PPP2R5C: variants seen among roughly 807,000 people sequenced by gnomAD.
PPP2R5C encodes serine/threonine-protein phosphatase 2A 56 kDa regulatory subunit gamma isoform.
PPP2R5C carries 7 observed loss-of-function variants against 68.9 expected under a neutral mutation model. That is an observed-to-expected ratio of 0.10 (90% CI 0.06 to 0.19). The LOEUF (loss-of-function observed/expected upper bound fraction) is 0.19, where lower values mean the gene tolerates loss of function less well. Among genes scored for constraint, PPP2R5C ranks in the 10% least tolerant of loss-of-function variants. PPP2R5C has a pLI of 1.00. For synonymous variants in PPP2R5C, 210 were observed against 222.2 expected, an observed-to-expected ratio of 0.95 and a Z score of 0.49; for missense variants, 348 against 641.3, an observed-to-expected ratio of 0.54 and a Z score of 4.94.
At chr14:101,826,390 A>G (rs1025968310) in intron 1 of PPP2R5C, among the ~76,000 whole-genome samples, 1 of 152,208 alleles carries the variant, frequency 6.6e-6, no homozygotes, top group Non-Finnish European at 1.5e-5. Flanking sequence ...CCATTTGTTG[A>G]AAAAACAATT....
intron 1 of PPP2R5C, among the ~76,000 whole-genome samples, chr14:101,838,534 C>A (rs562842182): frequency 2.0e-5 from 3 of 152,308 alleles, no homozygotes; most frequent in African/African-American, 7.2e-5. Context: ...TATGTTGTAA[C>A]GAGCAGGCGG....
rs1484698213 is a variant in PPP2R5C at position 101,877,018 on chromosome 14, G to A, written c.295-5143G>A. Among the ~76,000 whole-genome samples the A allele has an allele frequency of 2.2e-5, 3 of 138,278 alleles. No homozygotes were observed. The highest frequency in any genetic ancestry group is 2.2e-4 in the South Asian group (1 of 4,464). The allele number at this position is 138,278 out of a possible 152,430, so 90.7% of individuals were successfully genotyped here. A position where few individuals can be genotyped will look rare whatever the true frequency, so the allele number is the denominator to read the frequency against. ...GGCTGGAGTGCAGTGGTGCAATCTCGGTTCACTGCAACTTCCACCTCCCAG... is the reference window on the plus strand; with the variant it reads ...GGCTGGAGTGCAGTGGTGCAATCTCAGTTCACTGCAACTTCCACCTCCCAG... On this transcript the variant is annotated intron_variant, in intron 2 of 13. Coordinates refer to ENST00000334743, the Ensembl canonical transcript of PPP2R5C. This position sits in a 1 kb window ranked among gnomAD's most constrained non-coding sequence, Gnocchi z 4.2.
Position 101,825,834 on chromosome 14 carries a change from G to A in PPP2R5C, c.94+15798G>A, listed in dbSNP as rs1274307870. On this transcript the variant is annotated intron_variant, in intron 1 of 13. Coordinates refer to ENST00000334743, the Ensembl canonical transcript of PPP2R5C. The surrounding 1 kb of genome is among the most constrained non-coding windows in gnomAD (Gnocchi z 4.0). ...TGGGGCAGTAAGGGAAATTTAAGAA[G>A]GAAGTTGGGGAAGGTAGGACCTCAT... Among the ~76,000 whole-genome samples, 1 of 152,312 alleles carries A rather than the reference G, an allele frequency of 6.6e-6. No individual in the cohort carries two copies. The highest frequency in any genetic ancestry group is 1.9e-4 in the East Asian group (1 of 5,196).
rs77072204 is a variant in PPP2R5C at position 101,915,428 on chromosome 14, C to T, written c.1327-2403C>T. 2.9e-3 allele frequency among the ~76,000 whole-genome samples: 443 copies of T among 152,210 alleles called. 2 individuals carry two copies. The highest frequency in any genetic ancestry group is 0.01 in the African/African-American group (417 of 41,540). ...GTCAGAACCCTCTCCTGCCAGTGCCCGCTGTGTGAGGTTTATTTTGCTGTG... is the reference window on the plus strand; with the variant it reads ...GTCAGAACCCTCTCCTGCCAGTGCCTGCTGTGTGAGGTTTATTTTGCTGTG... On this transcript the variant is annotated intron_variant, in intron 12 of 13. Coordinates refer to ENST00000334743, the Ensembl canonical transcript of PPP2R5C. The surrounding 1 kb of genome is among the most constrained non-coding windows in gnomAD (Gnocchi z 4.2).
chr14:101,893,216 T>A, intron 7 of PPP2R5C, 108 bp downstream of exon 9: 2 of 673,774 alleles, frequency 3.0e-6, no homozygotes, highest in Non-Finnish European at 5.0e-6. Flanking sequence ...TTTATAGGCC[T>A]GTACTAACTT....
At chr14:101,832,065 A>G (rs897890414) in intron 1 of PPP2R5C, among the ~76,000 whole-genome samples, 1 of 152,272 alleles carries the variant, frequency 6.6e-6, no homozygotes. Context: ...GCTGAGAGCA[A>G]GTGGTCTGTA....
At chr14:101,774,063 A>G (rs567033573) in intron 2 of PPP2R5C, among the ~76,000 whole-genome samples, 1 of 152,306 alleles carries the variant, frequency 6.6e-6, no homozygotes, top group Admixed American at 6.5e-5. Context: ...AAGTAAGAGG[A>G]TCTTCCTAGC....
intron 13 of PPP2R5C, chr14:101,921,971 T>A (rs1010315378): frequency 4.1e-6 from 4 of 982,902 alleles, no homozygotes; most frequent in Admixed American, 1.2e-4. Context: ...TTTGCAATTC[T>A]CATTTTTAAC....
intron 9 of PPP2R5C, among the ~76,000 whole-genome samples, chr14:101,903,907 C>G (rs2045869557): frequency 6.6e-6 from 1 of 152,064 alleles, no homozygotes; most frequent in African/African-American, 2.4e-5. Flanking sequence ...AACTCCCAGC[C>G]TCATGATCCG....
At chr14:101,776,032 C>A (rs1162719796) in intron 2 of PPP2R5C, among the ~76,000 whole-genome samples, 1 of 147,636 alleles carries the variant, frequency 6.8e-6, no homozygotes, top group African/African-American at 2.5e-5. Flanking sequence ...GCCCCCCCCC[C>A]ACTCCACCCC....
At chr14:101,883,180 A>T in intron 3 of PPP2R5C, 77 bp from the exon 6 acceptor site, 4 of 1,026,112 alleles carry the variant, frequency 3.9e-6, no homozygotes, top group Non-Finnish European at 5.7e-6. Context: ...ACCAATAAAG[A>T]TTCAATTTCT....
chr14:101,922,919 A>G (rs1453621831), intron 13 of PPP2R5C, among the ~76,000 whole-genome samples: 1 of 152,236 alleles, frequency 6.6e-6, no homozygotes, highest in Non-Finnish European at 1.5e-5. Context: ...CCTTTATAAG[A>G]GGAAGGAAAC....
At chr14:101,796,725 T>G (rs1292436217) in intron 3 of PPP2R5C, 2 of 180,110 alleles carry the variant, frequency 1.1e-5, no homozygotes, top group Non-Finnish European at 2.4e-5. Context: ...CAGTCTCAGC[T>G]CTCTCTGGGT....
At chr14:101,855,721 C>T (rs924366961) in intron 1 of PPP2R5C, among the ~76,000 whole-genome samples, 30 of 152,146 alleles carry the variant, frequency 2.0e-4, no homozygotes, top group Non-Finnish European at 3.4e-4. Context: ...CCTCTTCAGC[C>T]CAGGGAAGAT....
chr14:101,897,320 CT>C (rs1423482431), intron 8 of PPP2R5C, among the ~76,000 whole-genome samples: 1 of 151,464 alleles, frequency 6.6e-6, no homozygotes, highest in Non-Finnish European at 1.5e-5. Context: ...TTTTTTTAAA[CT>C]GTATTTTCTC....
chr14:101,815,701 G>A (rs1045626279), intron 1 of PPP2R5C, among the ~76,000 whole-genome samples: 2 of 152,120 alleles, frequency 1.3e-5, no homozygotes, highest in East Asian at 1.9e-4. Flanking sequence ...TTGGAGTCTC[G>A]CTTTGTCACC....
intron 1 of PPP2R5C, among the ~76,000 whole-genome samples, chr14:101,850,941 G>T (rs567115973): frequency 3.3e-5 from 5 of 152,202 alleles, no homozygotes; most frequent in Non-Finnish European, 7.3e-5. Flanking sequence ...GCCCCAAGTT[G>T]TTAGTTCAAC....
chr14:101,770,348 G>A (rs1247124652), intron 2 of PPP2R5C, among the ~76,000 whole-genome samples: 2 of 148,806 alleles, frequency 1.3e-5, no homozygotes, highest in Admixed American at 6.7e-5. Flanking sequence ...AGGAACTGAA[G>A]TAGTGGCTGT....
intron 2 of PPP2R5C, among the ~76,000 whole-genome samples, chr14:101,861,483 C>T (rs770764269): frequency 3.3e-5 from 5 of 152,150 alleles, no homozygotes; most frequent in Non-Finnish European, 7.4e-5. Context: ...TACAACATTG[C>T]GCACCTTAGC....
Sources: allele counts gnomAD v4.1 joint callset (sites outside exome capture counted in the v4.1 genomes callset), GRCh38; gene constraint gnomAD v4.1.1; non-coding constraint Gnocchi (gnomAD v3.1); transcripts MANE v1.5; gene names NCBI Gene and HGNC (gene_info 2026-07-23, HGNC 2026-07-21).